Variants in DDRGK1 observed in about 807,000 individuals in gnomAD.
DDRGK1 encodes DDRGK domain-containing protein 1.
Under a neutral mutation model 45.8 loss-of-function variants are expected in DDRGK1, and 38 were observed. The ratio of observed to expected loss-of-function variants is 0.83; its 90% CI spans 0.64 to 1.09. The LOEUF (loss-of-function observed/expected upper bound fraction) is 1.09. Ranked by LOEUF, DDRGK1 falls within the 50% of genes least tolerant of loss-of-function variation. The pLI, the probability that DDRGK1 is intolerant of heterozygous loss-of-function variation, is 0.00. For synonymous variants in DDRGK1, 171 were observed against 168.7 expected, an observed-to-expected ratio of 1.01 and a Z score of -0.11; for missense variants, 403 against 419.9, an observed-to-expected ratio of 0.96 and a Z score of 0.35.
chr20:3,196,790 G>A (rs1287840704), intron 4 of DDRGK1, among the ~76,000 whole-genome samples: 1 of 152,128 alleles, frequency 6.6e-6, no homozygotes, highest in Non-Finnish European at 1.5e-5. Context: ...CAAAACGAGT[G>A]TGTGTTAAAG....
At position 3,191,179 on chromosome 20, in the gene DDRGK1, C is replaced by T. The variant is rs757463636; in HGVS notation, c.778+11G>A. 1.2e-5 allele frequency: 20 copies of T among 1,614,080 alleles called. No individual in the cohort carries two copies. Among genetic ancestry groups the T allele is most frequent in the Admixed American group, 5.0e-5 (3 of 60,008 alleles). On this transcript the variant is annotated intron_variant, in intron 8 of 8. Transcript: ENST00000354488. ...GGCCAGGACTGCAGTGATTGGCTCTCATCATCTCACCTGTTATAGTCCCCT... is the reference window on the plus strand; with the variant it reads ...GGCCAGGACTGCAGTGATTGGCTCTTATCATCTCACCTGTTATAGTCCCCT...
In DDRGK1 at chr20:3,204,596, G is replaced by GCCGCTACCAAGTACCA; in HGVS notation, c.16_31dup (p.Ala11ValfsTer34). 1 of 1,589,372 alleles carries GCCGCTACCAAGTACCA rather than the reference G, an allele frequency of 6.3e-7. No homozygotes were observed. Among genetic ancestry groups the GCCGCTACCAAGTACCA allele is most frequent in the Non-Finnish European group, 8.5e-7 (1 of 1,172,284 alleles). On this transcript the variant is annotated frameshift_variant, in exon 1 of 9. Transcript: ENST00000354488. LOFTEE classifies it high-confidence loss of function. ...GAGGATAAAGCCGACTAGCAGAGCC[G>GCCGCTACCAAGTACCA]CCGCTACCAAGTACCACACAGGCGC...
chr20:3,193,623 G>A (rs2066998265), intron 6 of DDRGK1, among the ~76,000 whole-genome samples: 1 of 152,056 alleles, frequency 6.6e-6, no homozygotes, highest in Non-Finnish European at 1.5e-5. Flanking sequence ...TGCCCGCCTC[G>A]GCCTCTCAAA....
intron 7 of DDRGK1, 157 bp from the exon 8 acceptor site, chr20:3,191,395 A>G: frequency 1.2e-6 from 1 of 805,292 alleles, no homozygotes; most frequent in Non-Finnish European, 2.1e-6. Context: ...CCCTGGGTAG[A>G]AGGGGCTCTG....
chr20:3,197,383 C>T lies in DDRGK1; in HGVS notation c.511-2030G>A, dbSNP rs892488289. On this transcript the variant is annotated intron_variant, in intron 4 of 8. Coordinates refer to ENST00000354488, the MANE Select transcript of DDRGK1 (RefSeq NM_023935.3). ...ACAGTGACTTCTTTCCAAAGAAATA[C>T]GGGAAGAGGGGAAAAAAACAGTCAC... Among the ~76,000 whole-genome samples the T allele has an allele frequency of 4.6e-5, 7 of 151,876 alleles. No homozygotes were observed. In the East Asian group the frequency reaches 7.7e-4, roughly 17 times the overall value.
Position 3,196,727 on chromosome 20 carries a change from T to C in DDRGK1, c.511-1374A>G, listed in dbSNP as rs371669860. Among the ~76,000 whole-genome samples, 20 of 151,964 alleles carry C rather than the reference T, an allele frequency of 1.3e-4. 1 individual carries two copies. Among genetic ancestry groups the C allele is most frequent in the Admixed American group, 7.9e-4 (12 of 15,236 alleles). On this transcript the variant is annotated intron_variant, in intron 4 of 8. Transcript: ENST00000354488. ...AAAGCTAAAGCTGAGGCAAGTAATA[T>C]ACAAGATGAGTCTGGGGCATCTTGC...
rs1451498791 is a variant in DDRGK1 at position 3,191,316 on chromosome 20, C to G, written c.730-78G>C. The G allele has an allele frequency of 4.1e-6, 6 of 1,477,824 alleles. No individual in the cohort carries two copies. In the East Asian group the frequency reaches 6.8e-5, roughly 17 times the overall value. 91.5% of individuals were successfully genotyped at this position (1,477,824 alleles called of 1,614,324 possible). ...AAGCACTGAAACCTCCCTCCCACTACAGCCAAATCTCTTTATTTCCCTCTC... is the reference window on the plus strand; with the variant it reads ...AAGCACTGAAACCTCCCTCCCACTAGAGCCAAATCTCTTTATTTCCCTCTC... On this transcript the variant is annotated intron_variant, in intron 7 of 8. Coordinates refer to ENST00000354488, the MANE Select transcript of DDRGK1 (RefSeq NM_023935.3).
chr20:3,191,005 C>G (rs1377161538), intron 8 of DDRGK1, among the ~76,000 whole-genome samples, 185 bp downstream of exon 8: 3 of 152,210 alleles, frequency 2.0e-5, no homozygotes, highest in Non-Finnish European at 4.4e-5. Flanking sequence ...TCCTCTCCCA[C>G]TGCTGCCACC....
intron 7 of DDRGK1, chr20:3,191,480 G>A: frequency 1.5e-6 from 1 of 665,266 alleles, no homozygotes. Context: ...TGCAACACAG[G>A]CTGGTGCAGT....
intron 4 of DDRGK1, among the ~76,000 whole-genome samples, chr20:3,196,247 G>T (rs2067009193): frequency 6.6e-6 from 1 of 152,170 alleles, no homozygotes; most frequent in African/African-American, 2.4e-5. Context: ...GGTCAGAAAT[G>T]AGGTCCTATT....
At chr20:3,194,443 C>T (rs2067001483) in intron 6 of DDRGK1, among the ~76,000 whole-genome samples, 1 of 152,228 alleles carries the variant, frequency 6.6e-6, no homozygotes, top group Non-Finnish European at 1.5e-5. Flanking sequence ...GACCCAAGTT[C>T]CCAGTCAGGA....
intron 4 of DDRGK1, among the ~76,000 whole-genome samples, chr20:3,198,137 G>C (rs1339773610): frequency 6.8e-6 from 1 of 146,792 alleles, no homozygotes; most frequent in Non-Finnish European, 1.5e-5. Flanking sequence ...GCCGGGCACA[G>C]TGGCTCATGC....
intron 5 of DDRGK1, among the ~76,000 whole-genome samples, 171 bp downstream of exon 5, chr20:3,195,060 C>T (rs2067004275): frequency 1.3e-5 from 2 of 152,200 alleles, no homozygotes; most frequent in Non-Finnish European, 2.9e-5. Flanking sequence ...TTCGGAGGCA[C>T]CAGCCTCTGC....
In DDRGK1 at chr20:3,200,119, A is replaced by G; in HGVS notation, c.409-17T>C. On this transcript the variant is annotated splice_polypyrimidine_tract_variant and intron_variant, in intron 3 of 8. Coordinates refer to ENST00000354488, the MANE Select transcript of DDRGK1 (RefSeq NM_023935.3). ...CTCCTCTGCCTGGAGAGAGGTCTTC[A>G]TAGGGGCACATCCCTCACCCCCGGC... is the stretch of plus-strand genomic sequence containing the variant. 2 of 1,610,706 alleles carry G rather than the reference A, an allele frequency of 1.2e-6. No homozygotes were observed. Among genetic ancestry groups the G allele is most frequent in the South Asian group, 1.1e-5 (1 of 90,590 alleles).
At chr20:3,204,497 A>T in intron 1 of DDRGK1, 40 bp downstream of exon 1, 1 of 1,534,510 alleles carries the variant, frequency 6.5e-7, no homozygotes, top group Non-Finnish European at 8.7e-7. Context: ...AAGGCCAGAA[A>T]ACCCGGTACC....
intron 6 of DDRGK1, among the ~76,000 whole-genome samples, chr20:3,193,122 G>A (rs1243546499): frequency 6.6e-6 from 1 of 152,216 alleles, no homozygotes; most frequent in African/African-American, 2.4e-5. Context: ...TACTCAGGAG[G>A]CAGAGGCAGG....
rs1441048597 is a variant in DDRGK1 at position 3,201,463 on chromosome 20, AG to A, written c.296-1010del. Among the ~76,000 whole-genome samples, 23 of 146,482 alleles carry A rather than the reference AG, an allele frequency of 1.6e-4. 1 individual carries two copies. The East Asian group carries it at 4.8e-3, about 30-fold the overall frequency. ...CACTGCACTCCAGCCTGAGTGACAG[AG>A]CAAGACTCTGTCTCAAAAAAAAAAA... is the stretch of plus-strand genomic sequence containing the variant. On this transcript the variant is annotated intron_variant, in intron 2 of 8. Transcript: ENST00000354488.
Position 3,190,503 on chromosome 20 carries a change from AC to A in DDRGK1, c.*149del. ...GATCCTAGGCCAGGCCTTCTGCCAC[AC>A]CAAGCCACACCAAGCTCAGCAGTAC... is the stretch of plus-strand genomic sequence containing the variant. On this transcript the variant is annotated 3_prime_UTR_variant, in exon 9 of 9. Coordinates refer to ENST00000354488, the MANE Select transcript of DDRGK1 (RefSeq NM_023935.3). 9.9e-7 allele frequency: 1 copy of A among 1,008,550 alleles called. No homozygotes were observed. Among genetic ancestry groups the A allele is most frequent in the Non-Finnish European group, 1.5e-6 (1 of 689,364 alleles). The allele number at this position is 1,008,550 out of a possible 1,614,324, so 62.5% of individuals were successfully genotyped here.
At chr20:3,199,935 C>A in intron 4 of DDRGK1, 66 bp downstream of exon 4, 1 of 1,440,816 alleles carries the variant, frequency 6.9e-7, no homozygotes, top group Non-Finnish European at 9.3e-7. Context: ...TGCCAGGGAG[C>A]TGCATAAGAA....
Sources: allele counts gnomAD v4.1 joint callset (sites outside exome capture counted in the v4.1 genomes callset), GRCh38; gene constraint gnomAD v4.1.1; transcripts MANE v1.5; gene names NCBI Gene and HGNC (gene_info 2026-07-23, HGNC 2026-07-21).